Variants in PDE4D observed in about 807,000 individuals in gnomAD.
The protein encoded by PDE4D is 3',5'-cyclic-AMP phosphodiesterase 4D.
Under a neutral mutation model 87.4 loss-of-function variants are expected in PDE4D, and 24 were observed. That is an observed-to-expected ratio of 0.27 (90% CI 0.20 to 0.39). PDE4D has a LOEUF of 0.39. Ranked by LOEUF, PDE4D falls within the 10% of genes least tolerant of loss-of-function variation. PDE4D has a pLI of 1.00. For missense variants in PDE4D, 714 were observed against 1,041.0 expected (o/e 0.69, Z 4.32); for synonymous variants, 384 against 383.2 (o/e 1.00, Z -0.02).
chr5:59,921,290 T>C (rs1239008259), intron 3 of PDE4D, among the ~76,000 whole-genome samples: 1 of 152,194 alleles, frequency 6.6e-6, no homozygotes, highest in East Asian at 1.9e-4. Context: ...GCAAACTTTT[T>C]TTAAAACACG....
chr5:59,965,250 T>C (rs895301014), intron 3 of PDE4D, among the ~76,000 whole-genome samples: 3 of 152,114 alleles, frequency 2.0e-5, no homozygotes, highest in African/African-American at 4.8e-5. Context: ...AACCATGCTG[T>C]TAATTCCTCA....
chr5:60,059,517 T>A (rs1203956907), intron 2 of PDE4D, among the ~76,000 whole-genome samples: 1 of 151,846 alleles, frequency 6.6e-6, no homozygotes, highest in Non-Finnish European at 1.5e-5. Flanking sequence ...GATGTATAGA[T>A]GACAAAGCAG....
chr5:59,466,882 T>C (rs1801655641), intron 1 of PDE4D, among the ~76,000 whole-genome samples: 1 of 152,150 alleles, frequency 6.6e-6, no homozygotes, highest in African/African-American at 2.4e-5. Flanking sequence ...CCAAAATTCA[T>C]ACATTGAAGT....
intron 2 of PDE4D, among the ~76,000 whole-genome samples, chr5:60,035,500 G>A (rs1000092747): frequency 6.6e-6 from 1 of 152,138 alleles, no homozygotes; most frequent in Non-Finnish European, 1.5e-5. Flanking sequence ...GCCAAACTCT[G>A]TATGCTTCTA....
intron 1 of PDE4D, among the ~76,000 whole-genome samples, chr5:60,222,063 C>G (rs1252601188): frequency 1.3e-5 from 2 of 152,106 alleles, no homozygotes; most frequent in East Asian, 3.9e-4. Flanking sequence ...ACATCATACA[C>G]TCAATAGGAC....
At chr5:60,428,833 A>G (rs1017000730) in intron 1 of PDE4D, among the ~76,000 whole-genome samples, 9 of 152,236 alleles carry the variant, frequency 5.9e-5, no homozygotes, top group African/African-American at 2.2e-4. Context: ...AGAAGCTATA[A>G]AAAGAATAAG....
chr5:59,535,572 C>G (rs1176747193), intron 1 of PDE4D, among the ~76,000 whole-genome samples: 1 of 152,098 alleles, frequency 6.6e-6, no homozygotes, highest in Non-Finnish European at 1.5e-5. Flanking sequence ...GCCCTGTTGT[C>G]AACAATAGTG....
In PDE4D at chr5:60,474,105, C is replaced by T. The variant is rs868266905; in HGVS notation, c.-90+13837G>A. On this transcript the variant is annotated intron_variant, in intron 1 of 16. Coordinates refer to the PDE4D transcript ENST00000502484. ...TACTGTCTCAGTCCCTTTGAGCTGCCATATATATATATATATATATATATA... is the reference window on the plus strand; with the variant it reads ...TACTGTCTCAGTCCCTTTGAGCTGCTATATATATATATATATATATATATA... Among the ~76,000 whole-genome samples the T allele has an allele frequency of 2.3e-3, 72 of 30,996 alleles. 1 individual carries two copies. Among genetic ancestry groups the T allele is most frequent in the Non-Finnish European group, 3.3e-3 (43 of 13,076 alleles). The allele number at this position is 30,996 out of a possible 152,430, so 20.3% of individuals were successfully genotyped here. A position where few individuals can be genotyped will look rare whatever the true frequency, so the allele number is the denominator to read the frequency against.
At chr5:59,949,434 CAAAA>C (rs59654913) in intron 3 of PDE4D, among the ~76,000 whole-genome samples, 3 of 57,614 alleles carry the variant, frequency 5.2e-5, no homozygotes, top group Non-Finnish European at 7.3e-5. Context: ...CTCCGTCTCA[CAAAA>C]AAAAAAAAAA....
chr5:58,969,995 G>C lies in PDE4D; in HGVS notation c.*4669C>G, dbSNP rs2153287234. On this transcript the variant is annotated 3_prime_UTR_variant, in exon 15 of 15. Transcript: ENST00000340635. Reference sequence around the variant, plus strand: ...TATCCTTTCATTTCAACCACGTTCAGTATCCTAAGAGACATGCTGATTGAA... The same window carrying C: ...TATCCTTTCATTTCAACCACGTTCACTATCCTAAGAGACATGCTGATTGAA... 1 of 152,168 alleles carries C rather than the reference G, an allele frequency of 6.6e-6. No homozygotes were observed. The highest frequency in any genetic ancestry group is 2.1e-4 in the South Asian group (1 of 4,824). 9.4% of individuals were successfully genotyped at this position (152,168 alleles called of 1,614,324 possible).
In PDE4D at chr5:60,475,823, G is replaced by GAAAAAAAAAA. The variant is rs397792795; in HGVS notation, c.-90+12109_-90+12118dup. Among the ~76,000 whole-genome samples, 57 of 95,052 alleles carry GAAAAAAAAAA rather than the reference G, an allele frequency of 6.0e-4. 1 individual carries two copies. Among genetic ancestry groups the GAAAAAAAAAA allele is most frequent in the South Asian group, 1.5e-3 (4 of 2,620 alleles). The allele number at this position is 95,052 out of a possible 152,430, so 62.4% of individuals were successfully genotyped here. On this transcript the variant is annotated intron_variant, in intron 1 of 16. Transcript: ENST00000502484. ...ACTTCACTTCTCTCATCTGTTAAAT[G>GAAAAAAAAAA]AAAAAAAAAAAAAAAAAAAGACAAT...
chr5:59,824,063 A>C (rs2898247), intron 1 of PDE4D, among the ~76,000 whole-genome samples: 35,885 of 150,850 alleles, frequency 0.24, 5,021 homozygotes, highest in Admixed American at 0.34. Flanking sequence ...TCATTTTTTG[A>C]CTCTTCTTTC....
At chr5:59,907,953 C>T (rs1444999367) in intron 3 of PDE4D, among the ~76,000 whole-genome samples, 1 of 151,954 alleles carries the variant, frequency 6.6e-6, no homozygotes, top group Non-Finnish European at 1.5e-5. Flanking sequence ...CACTATTTGA[C>T]CTCCCTCTTC....
chr5:60,424,956 C>G (rs1743549275), intron 1 of PDE4D, among the ~76,000 whole-genome samples: 1 of 152,160 alleles, frequency 6.6e-6, no homozygotes, highest in African/African-American at 2.4e-5. Context: ...GAATAAAATA[C>G]CTAGGAATCC....
intron 1 of PDE4D, among the ~76,000 whole-genome samples, chr5:60,387,122 T>A (rs1287430693): frequency 6.6e-6 from 1 of 152,216 alleles, no homozygotes; most frequent in Non-Finnish European, 1.5e-5. Flanking sequence ...TCATCTGAGA[T>A]GATAAAAATC....
intron 1 of PDE4D, among the ~76,000 whole-genome samples, chr5:59,481,201 A>G (rs1213422623): frequency 6.6e-6 from 1 of 152,046 alleles, no homozygotes; most frequent in Non-Finnish European, 1.5e-5. Context: ...AAAAAATCCT[A>G]GAGAGGATTT....
chr5:59,156,177 G>A (rs1335136517), intron 5 of PDE4D, among the ~76,000 whole-genome samples: 1 of 151,864 alleles, frequency 6.6e-6, no homozygotes, highest in African/African-American at 2.4e-5. Flanking sequence ...GACAGAGCTG[G>A]ATTTTCCCAA....
chr5:60,361,352 G>A (rs996800868), intron 1 of PDE4D, among the ~76,000 whole-genome samples: 2 of 152,118 alleles, frequency 1.3e-5, no homozygotes, highest in Non-Finnish European at 1.5e-5. Flanking sequence ...GTTACTTGAT[G>A]TAGCTGTGAA....
intron 1 of PDE4D, among the ~76,000 whole-genome samples, chr5:60,463,971 C>T (rs577222807): frequency 2.6e-4 from 40 of 152,196 alleles, no homozygotes; most frequent in Non-Finnish European, 4.6e-4. Context: ...GTTTCTAATC[C>T]AACAATAAAA....
Sources: gnomAD v4.1 joint callset for allele counts (sites outside exome capture counted in the v4.1 genomes callset) on GRCh38, gnomAD v4.1.1 for gene constraint, MANE v1.5 for transcripts, NCBI Gene and HGNC (gene_info 2026-07-23, HGNC 2026-07-21) for gene names.